The following PTPRA variants were observed in gnomAD, a reference collection of about 807,000 sequenced individuals.
PTPRA encodes the protein receptor-type tyrosine-protein phosphatase alpha.
PTPRA carries 25 observed loss-of-function variants against 104.8 expected under a neutral mutation model. That is an observed-to-expected ratio of 0.24 (90% CI 0.17 to 0.33). PTPRA has a LOEUF of 0.33. Among genes scored for constraint, PTPRA ranks in the 10% least tolerant of loss-of-function variants. PTPRA has a pLI of 1.00. For missense variants in PTPRA, 765 were observed against 1,015.3 expected, an observed-to-expected ratio of 0.75 and a Z score of 3.35; for synonymous variants, 323 against 368.9, an observed-to-expected ratio of 0.88 and a Z score of 1.43.
chr20:3,020,120 G>A (rs950753859), intron 13 of PTPRA, among the ~76,000 whole-genome samples: 4 of 151,186 alleles, frequency 2.6e-5, no homozygotes, highest in African/African-American at 9.7e-5. Context: ...GTTTTGTTTT[G>A]TTTTTTGAGA....
the PTPRA span, chr20:2,864,752 A>C: frequency 1.5e-6 from 2 of 1,321,086 alleles, no homozygotes; most frequent in African/African-American, 1.4e-5. The surrounding 1 kb of genome is among the most constrained non-coding windows in gnomAD (Gnocchi z 5.2). Context: ...TTGGGTGCAC[A>C]CTCCATCTGG....
intron 1 of PTPRA, among the ~76,000 whole-genome samples, chr20:2,917,781 G>A (rs2059957232): frequency 1.3e-5 from 2 of 151,628 alleles, no homozygotes; most frequent in Admixed American, 6.6e-5. Flanking sequence ...ACCAACCTGG[G>A]CAACATAGTG....
rs1287115085 is a variant in PTPRA, at chr20:3,011,037, A to G, written c.906+3617A>G. On this transcript the variant is annotated intron_variant, in intron 11 of 23. Transcript: ENST00000399903. ...ACTGACAAAAGTTAATTGTATGTTA[A>G]GGCTGTTAAGCAGCTGAGATGGGGA... 2.6e-5 allele frequency among the ~76,000 whole-genome samples: 4 copies of G among 152,384 alleles called. No homozygotes were observed. In the East Asian group the frequency reaches 7.7e-4, roughly 29 times the overall value.
chr20:2,995,479 C>G (rs981292375), intron 9 of PTPRA, among the ~76,000 whole-genome samples: 1 of 152,132 alleles, frequency 6.6e-6, no homozygotes, highest in Admixed American at 6.5e-5. Context: ...TGCTTGCATT[C>G]TGGTAATGTG....
At chr20:2,893,627 A>T (rs1466924846) in intron 1 of PTPRA, among the ~76,000 whole-genome samples, 6 of 152,160 alleles carry the variant, frequency 3.9e-5, no homozygotes, top group Non-Finnish European at 8.8e-5. Flanking sequence ...ATCTGTTTTT[A>T]TTGTCAGCTG....
chr20:2,969,171 A>G lies in PTPRA; in HGVS notation c.415+3969A>G, dbSNP rs187591808. Among the ~76,000 whole-genome samples the G allele has an allele frequency of 1.5e-3, 233 of 151,938 alleles. 2 individuals are homozygous for G. The highest frequency in any genetic ancestry group is 4.1e-3 in the Admixed American group (63 of 15,258). On this transcript the variant is annotated intron_variant, in intron 5 of 23. Transcript: ENST00000399903. ...AGGTTGCAGTGAGTCAAGTCCCTGC[A>G]CTATAGCCTGGGGAACAGAGTGAGA...
At chr20:2,943,945 A>G (rs565535908) in intron 2 of PTPRA, among the ~76,000 whole-genome samples, 21 of 152,122 alleles carry the variant, frequency 1.4e-4, no homozygotes, top group Non-Finnish European at 1.5e-5. Context: ...AACATCCCCA[A>G]ATTTAATATT....
At chr20:2,952,152 C>G (rs1213550171) in intron 3 of PTPRA, among the ~76,000 whole-genome samples, 1 of 151,918 alleles carries the variant, frequency 6.6e-6, no homozygotes, top group Non-Finnish European at 1.5e-5. Context: ...TCAAATGATA[C>G]TCCAAAATGG....
intron 6 of PTPRA, among the ~76,000 whole-genome samples, chr20:2,985,441 G>A (rs988642418): frequency 3.3e-5 from 5 of 152,242 alleles, no homozygotes; most frequent in Non-Finnish European, 7.3e-5. Flanking sequence ...CAGGATGGAA[G>A]AGACTTGTCT....
At chr20:2,895,849 T>G (rs2058978036) in intron 1 of PTPRA, among the ~76,000 whole-genome samples, 1 of 152,192 alleles carries the variant, frequency 6.6e-6, no homozygotes, top group Non-Finnish European at 1.5e-5. Flanking sequence ...TTTTTAATGT[T>G]CAGCACAACT....
chr20:2,956,958 A>G lies in PTPRA; in HGVS notation c.-6-7314A>G, dbSNP rs545039263. Among the ~76,000 whole-genome samples the G allele has an allele frequency of 2.8e-4, 43 of 152,300 alleles. 1 individual carries two copies. The South Asian group carries it at 5.6e-3, about 20-fold the overall frequency. On this transcript the variant is annotated intron_variant, in intron 3 of 23. Coordinates refer to ENST00000399903, the MANE Select transcript of PTPRA (RefSeq NM_001385305.1). ...AACTCTTGCCAATGCAGCATTATCAAAGTTTTTTATGTTCGCCAGTGTGAT... is the reference window on the plus strand; with the variant it reads ...AACTCTTGCCAATGCAGCATTATCAGAGTTTTTTATGTTCGCCAGTGTGAT...
At chr20:2,951,652 C>T (rs1369295149) in intron 3 of PTPRA, among the ~76,000 whole-genome samples, 1 of 152,198 alleles carries the variant, frequency 6.6e-6, no homozygotes, top group Non-Finnish European at 1.5e-5. Flanking sequence ...ATTCCTTCCG[C>T]TGAAACCACA....
chr20:2,971,928 G>A (rs533522125), intron 5 of PTPRA, among the ~76,000 whole-genome samples: 4 of 152,164 alleles, frequency 2.6e-5, no homozygotes, highest in East Asian at 1.9e-4. Flanking sequence ...TCCACCTCGC[G>A]GGTTCAAGTG....
chr20:2,881,599 T>C (rs983647579), intron 1 of PTPRA, among the ~76,000 whole-genome samples: 2 of 152,178 alleles, frequency 1.3e-5, no homozygotes, highest in African/African-American at 2.4e-5. Flanking sequence ...CACTGCAGCA[T>C]TGAACTCCTG....
chr20:2,973,757 C>T (rs1238408585), intron 5 of PTPRA, among the ~76,000 whole-genome samples: 1 of 152,172 alleles, frequency 6.6e-6, no homozygotes, highest in Non-Finnish European at 1.5e-5. Context: ...CACATGACCA[C>T]ACCTAGCACA....
intron 2 of PTPRA, among the ~76,000 whole-genome samples, chr20:2,927,485 C>G (rs79486392): frequency 0.012 from 1,866 of 152,130 alleles, 12 homozygotes; most frequent in Non-Finnish European, 0.02. Context: ...CACTTTTCAC[C>G]AAGATCTCAA....
chr20:2,944,358 T>C (rs1600150275), intron 2 of PTPRA, among the ~76,000 whole-genome samples: 1 of 152,126 alleles, frequency 6.6e-6, no homozygotes, highest in South Asian at 2.1e-4. Flanking sequence ...CTGGTCTTGA[T>C]TGAAGTCATT....
intron 17 of PTPRA, among the ~76,000 whole-genome samples, chr20:3,026,041 GT>G (rs927572591): frequency 1.2e-4 from 18 of 151,628 alleles, no homozygotes; most frequent in African/African-American, 4.4e-4. Flanking sequence ...TGCCTCCCGG[GT>G]TCAAGGGATT....
At chr20:3,021,489 A>G in intron 14 of PTPRA, 61 bp downstream of exon 14, 4 of 1,601,424 alleles carry the variant, frequency 2.5e-6, no homozygotes, top group Non-Finnish European at 2.6e-6. Flanking sequence ...GTAAGAGGGA[A>G]CAGGCTGGAT....
Sources: allele counts gnomAD v4.1 joint callset (sites outside exome capture counted in the v4.1 genomes callset), GRCh38; gene constraint gnomAD v4.1.1; non-coding constraint Gnocchi (gnomAD v3.1); transcripts MANE v1.5; gene names NCBI Gene and HGNC (gene_info 2026-07-23, HGNC 2026-07-21).